The following ATP6AP2 variants were observed in gnomAD, a reference collection of about 807,000 sequenced individuals.
ATP6AP2 encodes renin receptor.
Under a neutral mutation model 23.4 loss-of-function variants are expected in ATP6AP2, and 1 was observed. That is an observed-to-expected ratio of 0.04 (90% CI 0.02 to 0.20). The LOEUF (loss-of-function observed/expected upper bound fraction) is 0.20. ATP6AP2 is among the 10% of genes least tolerant of loss of function. The pLI, the probability that ATP6AP2 is intolerant of heterozygous loss-of-function variation, is 1.00. For missense variants in ATP6AP2, 174 were observed against 271.3 expected, an observed-to-expected ratio of 0.64 and a Z score of 2.52; for synonymous variants, 90 against 97.1, an observed-to-expected ratio of 0.93 and a Z score of 0.43.
intron 1 of ATP6AP2, among the ~76,000 whole-genome samples, chrX:40,588,555 T>A (rs1287631995): frequency 9.0e-6 from 1 of 111,473 alleles, no homozygotes; most frequent in Non-Finnish European, 1.9e-5. Flanking sequence ...GGCTTTGTTT[T>A]TTGTTTTTTA....
Position 40,599,620 on chromosome X carries a change from A to C in ATP6AP2, c.617A>C (p.Asp206Ala). 2.5e-6 allele frequency: 3 copies of C among 1,211,396 alleles called. No homozygotes were observed. Among genetic ancestry groups the C allele is most frequent in the Non-Finnish European group, 3.4e-6 (3 of 895,306 alleles). The change falls in exon 7 of 9, where the codon GAT becomes GCT. Residue 206 changes from aspartate to alanine, a missense_variant. By Grantham distance (126) the Asp-to-Ala change is moderately radical. Coordinates refer to ENST00000636580, the MANE Select transcript of ATP6AP2 (RefSeq NM_005765.3). ...LLSRHKHLAK[D>A]HSPDLYSLEL... The stretch of plus-strand genomic sequence containing the variant: ...TCTCGTCATAAGCATCTAGCCAAGG[A>C]TCATTCTCCTGATTTATATTCACTG...
rs964207298 is a variant in ATP6AP2, at chrX:40,605,813, A to G, written c.*58A>G. 3.9e-6 allele frequency: 4 copies of G among 1,019,175 alleles called. No homozygotes were observed. In the African/African-American group the frequency reaches 5.6e-5, roughly 14 times the overall value. 84.0% of individuals were successfully genotyped at this position (1,019,175 alleles called of 1,213,427 possible). ...TGGAAATTGGCTGTTTTGTTAAAAT[A>G]TATCTTTTAGTGTGCTTTAAAGTAG... On this transcript the variant is annotated 3_prime_UTR_variant, in exon 9 of 9. Transcript: ENST00000636580.
chrX:40,584,005 A>T (rs1226728735), intron 1 of ATP6AP2, among the ~76,000 whole-genome samples: 1 of 112,142 alleles, frequency 8.9e-6, no homozygotes, highest in Admixed American at 9.4e-5. Context: ...GAGCCCTCAG[A>T]TCTCCAAAGT....
At chrX:40,583,603 A>C (rs957854194) in intron 1 of ATP6AP2, among the ~76,000 whole-genome samples, 2 of 111,621 alleles carry the variant, frequency 1.8e-5, no homozygotes, top group African/African-American at 6.5e-5. Flanking sequence ...GCATTTAAGC[A>C]GAAGGGTGAA....
chrX:40,594,324 C>T (rs765566339), intron 3 of ATP6AP2, among the ~76,000 whole-genome samples: 1 of 112,224 alleles, frequency 8.9e-6, no homozygotes. Flanking sequence ...CACCTACATA[C>T]GGTGAAATTG....
intron 1 of ATP6AP2, among the ~76,000 whole-genome samples, chrX:40,581,562 C>T (rs1040390053): frequency 1.8e-5 from 2 of 112,619 alleles, no homozygotes; most frequent in Non-Finnish European, 3.8e-5. Context: ...GAAATCCCTG[C>T]CCCTCCCTTC....
chrX:40,591,037 G>A (rs1926613678), intron 2 of ATP6AP2, 197 bp from the exon 3 acceptor site: 2 of 442,037 alleles, frequency 4.5e-6, no homozygotes, highest in Non-Finnish European at 7.5e-6. Flanking sequence ...AAAATTTTAA[G>A]AAAATGAAGA....
chrX:40,596,774 A>C lies in ATP6AP2; in HGVS notation c.301-475A>C, dbSNP rs146760786. Reference sequence around the variant, plus strand: ...AAGAGTCTTTAGGCTATCTGAAGACAAATGTTAAATCTCATTAAACATTTT... The same window carrying C: ...AAGAGTCTTTAGGCTATCTGAAGACCAATGTTAAATCTCATTAAACATTTT... On this transcript the variant is annotated intron_variant, in intron 3 of 8. Transcript: ENST00000636580. 5.2e-3 allele frequency: 623 copies of C among 120,588 alleles called. 7 individuals are homozygous for C. The highest frequency in any genetic ancestry group is 0.019 in the African/African-American group (599 of 31,105). The allele number at this position is 120,588 out of a possible 1,213,427, so 9.9% of individuals were successfully genotyped here. A position where few individuals can be genotyped will look rare whatever the true frequency, so the allele number is the denominator to read the frequency against.
At position 40,591,827 on chromosome X, in the gene ATP6AP2, C is replaced by T. The variant is rs945377957; in HGVS notation, c.300+462C>T. The T allele has an allele frequency of 4.4e-5, 7 of 158,866 alleles. No individual in the cohort carries two copies. The East Asian group carries it at 1.2e-3, about 27-fold the overall frequency. The allele number at this position is 158,866 out of a possible 1,213,427, so 13.1% of individuals were successfully genotyped here. A position where few individuals can be genotyped will look rare whatever the true frequency, so the allele number is the denominator to read the frequency against. On this transcript the variant is annotated intron_variant, in intron 3 of 8. Coordinates refer to ENST00000636580, the MANE Select transcript of ATP6AP2 (RefSeq NM_005765.3). The stretch of plus-strand genomic sequence containing the variant: ...GACTGTGCTGATCTAAGAGGCCCTC[C>T]TTCCATTATAAGCATATAGAAGTGC...
chrX:40,602,846 CAGAA>C (rs938870451), intron 8 of ATP6AP2, among the ~76,000 whole-genome samples: 3 of 102,037 alleles, frequency 2.9e-5, no homozygotes, highest in Non-Finnish European at 5.9e-5. Context: ...CACAGGGAAA[CAGAA>C]AGGCACCTGG....
chrX:40,605,359 T>C (rs941243086), intron 8 of ATP6AP2: 2 of 431,038 alleles, frequency 4.6e-6, no homozygotes, highest in Non-Finnish European at 8.0e-6. Flanking sequence ...TCCCAAGCAT[T>C]TGGACTGGTT....
chrX:40,588,403 T>C (rs1177091459), intron 1 of ATP6AP2, among the ~76,000 whole-genome samples: 1 of 91,874 alleles, frequency 1.1e-5, no homozygotes, highest in East Asian at 3.7e-4. Flanking sequence ...TAAGGAAAGA[T>C]GTTACCTATC....
chrX:40,602,913 C>CTTTTTTTTTTT lies in ATP6AP2; in HGVS notation c.858+2050_858+2060dup, dbSNP rs1351897356. Among the ~76,000 whole-genome samples, 13 of 45,241 alleles carry CTTTTTTTTTTT rather than the reference C, an allele frequency of 2.9e-4. 1 individual carries two copies. The highest frequency in any genetic ancestry group is 8.6e-4 in the African/African-American group (7 of 8,111). The allele number at this position is 45,241 out of a possible 115,157, so 39.3% of individuals were successfully genotyped here. ...GAGTGGGGATGCCTCCCAGAGAATT[C>CTTTTTTTTTTT]TTTTTTTTTTTTTTTTTTTTTTTTT... On this transcript the variant is annotated intron_variant, in intron 8 of 8. Coordinates refer to ENST00000636580, the MANE Select transcript of ATP6AP2 (RefSeq NM_005765.3).
At chrX:40,604,453 G>T (rs6609077) in intron 8 of ATP6AP2, among the ~76,000 whole-genome samples, 15,202 of 110,447 alleles carry the variant, frequency 0.14, 2,067 homozygotes, top group African/African-American at 0.4. Context: ...AACCATCAGA[G>T]CTCATGAGAA....
Position 40,581,112 on chromosome X carries a change from C to CG in ATP6AP2, c.37+15dup, listed in dbSNP as rs1555976298. The CG allele has an allele frequency of 7.8e-6, 9 of 1,155,429 alleles. No individual in the cohort carries two copies. The highest frequency in any genetic ancestry group is 1.0e-5 in the Non-Finnish European group (9 of 867,993). Reference sequence around the variant, plus strand: ...CTGGCGTTGGTGGCGGGTGAGGAGCCGGGGGCCGGCAGGACGTGCCTGGGG... The same window carrying CG: ...CTGGCGTTGGTGGCGGGTGAGGAGCCGGGGGGCCGGCAGGACGTGCCTGGGG... On this transcript the variant is annotated intron_variant, in intron 1 of 8. Transcript: ENST00000636580.
rs1926857665 is a variant in ATP6AP2 at position 40,599,731 on chromosome X, C to T, written c.728C>T (p.Ala243Val). 4 of 1,210,925 alleles carry T rather than the reference C, an allele frequency of 3.3e-6. No homozygotes were observed. Among genetic ancestry groups the T allele is most frequent in the Non-Finnish European group, 3.4e-6 (3 of 895,248 alleles). ...GATGCTTCTAAGATCCTTGTTGACG[C>T]TCTGCAAAAGGTAAATATCAATGCG... is the stretch of plus-strand genomic sequence containing the variant. ...FRDASKILVD[A>V]LQKFADDMYS... Residue 243 changes from alanine (A) to valine (V), a missense_variant, in exon 7 of 9, where the codon GCT (alanine) becomes GTT (valine). Physicochemically the swap from Ala to Val is moderately conservative, Grantham distance 64. Coordinates refer to ENST00000636580, the MANE Select transcript of ATP6AP2 (RefSeq NM_005765.3).
At chrX:40,596,955 C>T (rs189860315) in intron 3 of ATP6AP2, 2 of 244,868 alleles carry the variant, frequency 8.2e-6, no homozygotes, top group East Asian at 1.6e-4. Context: ...TGTATTGCTG[C>T]TTCAAATACA....
At chrX:40,591,731 C>T (rs1007783341) in intron 3 of ATP6AP2, 6 of 228,729 alleles carry the variant, frequency 2.6e-5, no homozygotes, top group Non-Finnish European at 4.8e-5. Context: ...TACCTCTTTT[C>T]GTGTGTAAGG....
chrX:40,606,260 T>G lies in ATP6AP2; in HGVS notation c.*505T>G, dbSNP rs1224625772. On this transcript the variant is annotated 3_prime_UTR_variant, in exon 9 of 9. Coordinates refer to ENST00000636580, the MANE Select transcript of ATP6AP2 (RefSeq NM_005765.3). ...TTAGAGTAGCCCTAAAATATGGATG[T>G]GCTTATATAATCGCTTAGTTTTGGA... 1 of 118,260 alleles carries G rather than the reference T, an allele frequency of 8.5e-6. No individual in the cohort carries two copies. The highest frequency in any genetic ancestry group is 1.8e-5 in the Non-Finnish European group (1 of 56,972). The allele number at this position is 118,260 out of a possible 1,213,427, so 9.7% of individuals were successfully genotyped here.
Sources: gnomAD v4.1 joint callset for allele counts (sites outside exome capture counted in the v4.1 genomes callset) on GRCh38, gnomAD v4.1.1 for gene constraint, MANE v1.5 for transcripts, NCBI Gene and HGNC (gene_info 2026-07-23, HGNC 2026-07-21) for gene names.